The following SV2C variants were observed in gnomAD, a reference collection of about 807,000 sequenced individuals.
The protein encoded by SV2C is synaptic vesicle glycoprotein 2C, also known as solute carrier family 22 member B3.
SV2C carries 49 observed loss-of-function variants against 79.7 expected under a neutral mutation model. The ratio of observed to expected loss-of-function variants is 0.61; its 90% CI spans 0.49 to 0.78. The LOEUF (loss-of-function observed/expected upper bound fraction) is 0.78, where lower values mean the gene tolerates loss of function less well. SV2C is among the 30% of genes least tolerant of loss of function. The pLI, the probability that SV2C is intolerant of heterozygous loss-of-function variation, is 0.00. For synonymous variants in SV2C, 334 were observed against 333.2 expected (o/e 1.00, Z -0.03); for missense variants, 833 against 912.9 (o/e 0.91, Z 1.13).
chr5:76,032,809 G>A, the SV2C span, among the ~76,000 whole-genome samples: 12 of 152,234 alleles, frequency 7.9e-5, no homozygotes, highest in East Asian at 1.9e-4. Flanking sequence ...TCTAGACCCC[G>A]GAAAATCGCC....
At chr5:76,274,833 A>G (rs1995381) in intron 4 of SV2C, among the ~76,000 whole-genome samples, 21,965 of 152,114 alleles carry the variant, frequency 0.14, 2,129 homozygotes, top group African/African-American at 0.27. Flanking sequence ...TTAATGTTTC[A>G]TGCAGATTAC....
At chr5:76,038,081 A>T in the SV2C span, among the ~76,000 whole-genome samples, 7 of 152,338 alleles carry the variant, frequency 4.6e-5, no homozygotes, top group East Asian at 1.4e-3. Flanking sequence ...GAGTGAGGCA[A>T]TGCCTTGCCG....
chr5:76,072,452 T>C, the SV2C span, among the ~76,000 whole-genome samples: 2 of 152,144 alleles, frequency 1.3e-5, no homozygotes, highest in African/African-American at 2.4e-5. Context: ...ATGAGAGCCA[T>C]ATATGCAGTT....
At chr5:76,044,678 T>C in the SV2C span, among the ~76,000 whole-genome samples, 1 of 152,238 alleles carries the variant, frequency 6.6e-6, no homozygotes, top group Admixed American at 6.5e-5. Flanking sequence ...TGAGCTTTTA[T>C]TCATATTTTT....
chr5:76,049,324 G>GAAAAAAAAAAAA, the SV2C span, among the ~76,000 whole-genome samples: 1 of 107,048 alleles, frequency 9.3e-6, no homozygotes, highest in Non-Finnish European at 2.0e-5. Context: ...GTGACAGAGC[G>GAAAAAAAAAAAA]AAAAAAAAAA....
the SV2C span, among the ~76,000 whole-genome samples, chr5:75,909,292 GTTC>G: frequency 2.0e-5 from 3 of 152,334 alleles, no homozygotes; most frequent in East Asian, 3.9e-4. Context: ...CTGAAGCCTT[GTTC>G]TTATTTGGAG....
the SV2C span, among the ~76,000 whole-genome samples, chr5:75,874,546 T>C: frequency 6.6e-6 from 1 of 152,064 alleles, no homozygotes; most frequent in Non-Finnish European, 1.5e-5. Context: ...GGATTGGAAG[T>C]CCCAGCCAGA....
chr5:76,037,383 A>G, the SV2C span, among the ~76,000 whole-genome samples: 2 of 151,802 alleles, frequency 1.3e-5, no homozygotes, highest in East Asian at 3.9e-4. Flanking sequence ...GGTTTTATCT[A>G]CTTTTGGTCT....
At chr5:76,068,156 A>C in the SV2C span, among the ~76,000 whole-genome samples, 1 of 152,126 alleles carries the variant, frequency 6.6e-6, no homozygotes, top group Admixed American at 6.6e-5. Flanking sequence ...GAATGCCCCC[A>C]GTGTTTGCTT....
Position 76,301,477 on chromosome 5 carries a change from T to C in SV2C, c.1932T>C (p.Asn644=), listed in dbSNP as rs774484746. ...SMMIGMLCLY[N]GLTISAWNSL... ...TGATAGGCATGCTGTGTCTGTACAA[T>C]GGATTGACCATCTCAGCCTGGAACT... is the stretch of plus-strand genomic sequence containing the variant. Residue 644 remains asparagine, a synonymous_variant, in exon 12 of 13, where the codon AAT becomes AAC. Coordinates refer to ENST00000502798, the MANE Select transcript of SV2C (RefSeq NM_014979.4). 2 of 1,614,086 alleles carry C rather than the reference T, an allele frequency of 1.2e-6. No homozygotes were observed. The highest frequency in any genetic ancestry group is 8.5e-7 in the Non-Finnish European group (1 of 1,179,992).
At chr5:76,022,567 A>T in the SV2C span, among the ~76,000 whole-genome samples, 1 of 152,156 alleles carries the variant, frequency 6.6e-6, no homozygotes, top group East Asian at 1.9e-4. Context: ...AGGGTCATAA[A>T]CACCCACAAT....
At chr5:76,015,973 T>G in the SV2C span, among the ~76,000 whole-genome samples, 40 of 152,174 alleles carry the variant, frequency 2.6e-4, 1 homozygote, top group East Asian at 7.3e-3. Context: ...GAGTCTGTAT[T>G]AAATGGGCTT....
chr5:76,029,290 A>C, the SV2C span, among the ~76,000 whole-genome samples: 4 of 152,232 alleles, frequency 2.6e-5, no homozygotes, highest in Non-Finnish European at 4.4e-5. Flanking sequence ...GTTGTTAACT[A>C]TAGTCACCAT....
intron 3 of SV2C, among the ~76,000 whole-genome samples, chr5:76,207,710 C>T (rs528730564): frequency 6.6e-6 from 1 of 152,290 alleles, no homozygotes; most frequent in East Asian, 1.9e-4. Context: ...TTAAGGCTCA[C>T]TACAGCCTCA....
chr5:75,868,590 C>T, the SV2C span, among the ~76,000 whole-genome samples: 3 of 152,194 alleles, frequency 2.0e-5, no homozygotes, highest in Non-Finnish European at 1.5e-5. Flanking sequence ...AGTAAACTAA[C>T]TAAGAAAACC....
In SV2C at chr5:76,325,215, T is replaced by A. The variant is rs557551982; in HGVS notation, c.2001-149T>A. ...AATACCAACAGCTAGGATTCTCTAC[T>A]CCCAGATTTGCTAACAAGCATTGAT... On this transcript the variant is annotated intron_variant, in intron 12 of 12. Transcript: ENST00000502798. 6.7e-4 allele frequency: 525 copies of A among 781,888 alleles called. 11 individuals are homozygous for A. The South Asian group carries it at 7.4e-3, about 11-fold the overall frequency. The allele number at this position is 781,888 out of a possible 1,614,324, so 48.4% of individuals were successfully genotyped here.
At chr5:76,138,761 C>T (rs758262955) in intron 2 of SV2C, among the ~76,000 whole-genome samples, 1 of 152,220 alleles carries the variant, frequency 6.6e-6, no homozygotes, top group African/African-American at 2.4e-5. Flanking sequence ...GAATGAATGA[C>T]AGTCTCTGAG....
chr5:75,939,005 G>A, the SV2C span, among the ~76,000 whole-genome samples: 1 of 152,058 alleles, frequency 6.6e-6, no homozygotes, highest in African/African-American at 2.4e-5. Context: ...TCTTGTACAA[G>A]TTAATATCAT....
the SV2C span, among the ~76,000 whole-genome samples, chr5:75,866,318 C>A: frequency 6.6e-6 from 1 of 152,124 alleles, no homozygotes; most frequent in Non-Finnish European, 1.5e-5. Context: ...GTTATGCAAT[C>A]TGATACTGAT....
Sources: gnomAD v4.1 joint callset for allele counts (sites outside exome capture counted in the v4.1 genomes callset) on GRCh38, gnomAD v4.1.1 for gene constraint, MANE v1.5 for transcripts, NCBI Gene and HGNC (gene_info 2026-07-23, HGNC 2026-07-21) for gene names.